Variants in KIF6 observed in about 807,000 individuals in gnomAD.
KIF6 encodes the protein kinesin-like protein KIF6.
In KIF6, 106 loss-of-function variants were observed where a neutral mutation model predicts 112.7. The ratio of observed to expected loss-of-function variants is 0.94; its 90% CI spans 0.80 to 1.11. KIF6 has a LOEUF of 1.11. Ranked by LOEUF, KIF6 falls within the 50% of genes least tolerant of loss-of-function variation. KIF6 has a pLI of 0.00. For synonymous variants in KIF6, 339 were observed against 339.9 expected, an observed-to-expected ratio of 1.00 and a Z score of 0.03; for missense variants, 929 against 964.0, an observed-to-expected ratio of 0.96 and a Z score of 0.48.
intron 3 of KIF6, among the ~76,000 whole-genome samples, chr6:39,687,319 C>G (rs1787934414): frequency 6.6e-6 from 1 of 152,274 alleles, no homozygotes; most frequent in South Asian, 2.1e-4. Context: ...GAAACTAGGT[C>G]ATTCTGAAAA....
At chr6:39,391,883 A>G (rs2150324712) in intron 15 of KIF6, among the ~76,000 whole-genome samples, 1 of 152,218 alleles carries the variant, frequency 6.6e-6, no homozygotes, top group South Asian at 2.1e-4. Flanking sequence ...CCTCTCTGGT[A>G]TGTATGTTTG....
Position 39,336,441 on chromosome 6 carries a change from C to T in KIF6, c.*91G>A. 2 of 1,255,018 alleles carry T rather than the reference C, an allele frequency of 1.6e-6. No individual in the cohort carries two copies. Among genetic ancestry groups the T allele is most frequent in the South Asian group, 2.4e-5 (2 of 82,480 alleles). The allele number at this position is 1,255,018 out of a possible 1,614,324, so 77.7% of individuals were successfully genotyped here. A position where few individuals can be genotyped will look rare whatever the true frequency, so the allele number is the denominator to read the frequency against. On this transcript the variant is annotated 3_prime_UTR_variant, in exon 23 of 23. Coordinates refer to ENST00000287152, the MANE Select transcript of KIF6 (RefSeq NM_145027.6). Reference sequence around the variant, plus strand: ...TAGTTGCTCCCAGCAGCCCATAGTTCACTTCTGAAGCCAGAGCAAGTGAGG... The same window carrying T: ...TAGTTGCTCCCAGCAGCCCATAGTTTACTTCTGAAGCCAGAGCAAGTGAGG...
chr6:39,463,860 G>A (rs1773628930), intron 13 of KIF6, among the ~76,000 whole-genome samples: 1 of 152,082 alleles, frequency 6.6e-6, no homozygotes, highest in Non-Finnish European at 1.5e-5. Flanking sequence ...AAGTTGGCTT[G>A]CTCCTCTCTC....
chr6:39,679,618 T>G (rs565742214), intron 3 of KIF6, among the ~76,000 whole-genome samples: 1 of 144,130 alleles, frequency 6.9e-6, no homozygotes, highest in Admixed American at 6.9e-5. Flanking sequence ...TCTTTTCTTT[T>G]TTTTTTTTTT....
intron 13 of KIF6, among the ~76,000 whole-genome samples, chr6:39,479,196 T>C (rs868026723): frequency 6.6e-6 from 1 of 152,172 alleles, no homozygotes; most frequent in Non-Finnish European, 1.5e-5. Flanking sequence ...CTGGAAGGGT[T>C]TTTCTGATGT....
intron 15 of KIF6, among the ~76,000 whole-genome samples, chr6:39,389,160 T>C (rs1444403425): frequency 6.6e-6 from 1 of 152,140 alleles, no homozygotes; most frequent in African/African-American, 2.4e-5. Context: ...TACTGAGTAG[T>C]TCTAGGGAAA....
intron 3 of KIF6, among the ~76,000 whole-genome samples, chr6:39,661,774 G>A (rs1009360661): frequency 6.6e-6 from 1 of 152,114 alleles, no homozygotes; most frequent in African/African-American, 2.4e-5. Flanking sequence ...GAGTTACACA[G>A]AACAAAAGGG....
intron 13 of KIF6, among the ~76,000 whole-genome samples, chr6:39,463,752 T>C (rs1474518260): frequency 6.6e-6 from 1 of 152,212 alleles, no homozygotes; most frequent in Non-Finnish European, 1.5e-5. Context: ...CTGTCAGTTG[T>C]CTTTTATTAA....
intron 9 of KIF6, among the ~76,000 whole-genome samples, chr6:39,583,889 A>G (rs1391526583): frequency 6.6e-6 from 1 of 151,842 alleles, no homozygotes; most frequent in Non-Finnish European, 1.5e-5. Context: ...AACTAACAAA[A>G]TAGAGAACAG....
chr6:39,443,412 T>G (rs1324026565), intron 13 of KIF6, among the ~76,000 whole-genome samples: 1 of 152,090 alleles, frequency 6.6e-6, no homozygotes, highest in East Asian at 1.9e-4. Context: ...GGATTCACTA[T>G]AGACTCATTT....
intron 10 of KIF6, among the ~76,000 whole-genome samples, chr6:39,566,514 A>G (rs1415815472): frequency 6.6e-6 from 1 of 152,240 alleles, no homozygotes; most frequent in Non-Finnish European, 1.5e-5. Context: ...TTTTATGGAC[A>G]TTCCATTCTG....
At chr6:39,649,127 G>C (rs1027357729) in intron 3 of KIF6, among the ~76,000 whole-genome samples, 1 of 151,994 alleles carries the variant, frequency 6.6e-6, no homozygotes, top group Admixed American at 6.6e-5. Context: ...TGGGTGACAA[G>C]AAGACCCTGT....
At chr6:39,485,215 C>G (rs977686930) in intron 13 of KIF6, among the ~76,000 whole-genome samples, 1 of 152,166 alleles carries the variant, frequency 6.6e-6, no homozygotes, top group Non-Finnish European at 1.5e-5. Context: ...GATCAGCCAC[C>G]TGCAGAGCCA....
chr6:39,653,886 C>G (rs1013837027), intron 3 of KIF6, among the ~76,000 whole-genome samples: 2 of 152,130 alleles, frequency 1.3e-5, no homozygotes, highest in Non-Finnish European at 2.9e-5. Flanking sequence ...GCACAGGAAA[C>G]AGAATAACTC....
At chr6:39,724,452 CAAAAAAAAAA>C (rs33912709) in intron 1 of KIF6, among the ~76,000 whole-genome samples, 1 of 90,514 alleles carries the variant, frequency 1.1e-5, no homozygotes, top group African/African-American at 4.0e-5. Context: ...GACTCCGTCT[CAAAAAAAAAA>C]AAAAAAAAAA....
intron 3 of KIF6, among the ~76,000 whole-genome samples, chr6:39,684,156 C>T (rs1787704734): frequency 6.6e-6 from 1 of 152,116 alleles, no homozygotes; most frequent in Non-Finnish European, 1.5e-5. Context: ...AGCAGATACT[C>T]ATGAAGGGAG....
rs149382171 is a variant in KIF6, at chr6:39,600,521, T to C, written c.640-4261A>G. Among the ~76,000 whole-genome samples the C allele has an allele frequency of 3.2e-4, 48 of 152,308 alleles. No homozygotes were observed. The East Asian group carries it at 7.7e-3, about 24-fold the overall frequency. The stretch of plus-strand genomic sequence containing the variant: ...AGTGATCTGTTCTTAGCAATGAACA[T>C]GCTGATCCTCTAGGTAATATCTGAA... On this transcript the variant is annotated intron_variant, in intron 6 of 22. Transcript: ENST00000287152.
intron 16 of KIF6, among the ~76,000 whole-genome samples, chr6:39,373,277 T>G (rs541894286): frequency 1.3e-5 from 2 of 152,326 alleles, no homozygotes; most frequent in South Asian, 4.1e-4. Flanking sequence ...AGCCCCTTCT[T>G]GGATGTGATT....
At chr6:39,382,490 G>C (rs948410278) in intron 16 of KIF6, among the ~76,000 whole-genome samples, 4 of 152,086 alleles carry the variant, frequency 2.6e-5, no homozygotes, top group African/African-American at 9.7e-5. Flanking sequence ...TGCCGCAAAG[G>C]ATGTGATTTT....
Sources: gnomAD v4.1 joint callset for allele counts (sites outside exome capture counted in the v4.1 genomes callset) on GRCh38, gnomAD v4.1.1 for gene constraint, MANE v1.5 for transcripts, NCBI Gene and HGNC (gene_info 2026-07-23, HGNC 2026-07-21) for gene names.